VAX2: variants seen among roughly 807,000 people sequenced by gnomAD.
The protein encoded by VAX2 is ventral anterior homeobox 2.
Under a neutral mutation model 12.5 loss-of-function variants are expected in VAX2, and 8 were observed. The observed-to-expected ratio is 0.64, with a 90% CI of 0.37 to 1.15. The LOEUF is 1.15. Among genes scored for constraint, VAX2 ranks in the 50% most tolerant of loss-of-function variants. The pLI is 0.01. For synonymous variants in VAX2, 183 were observed against 187.6 expected, an observed-to-expected ratio of 0.98 and a Z score of 0.20; for missense variants, 476 against 412.9, an observed-to-expected ratio of 1.15 and a Z score of -1.32.
At chr2:70,913,708 TAAATAAATAA>T (rs1553411542) in intron 1 of VAX2, among the ~76,000 whole-genome samples, 22 of 151,440 alleles carry the variant, frequency 1.5e-4, no homozygotes, top group Non-Finnish European at 2.9e-4. Flanking sequence ...AATAAATAAA[TAAATAAATAA>T]ATAACTTTAC....
chr2:70,905,935 G>A (rs1291307503), intron 1 of VAX2, among the ~76,000 whole-genome samples: 1 of 152,190 alleles, frequency 6.6e-6, no homozygotes, highest in African/African-American at 2.4e-5. Context: ...ATTACCCCTT[G>A]GCTGCAGGCT....
intron 1 of VAX2, among the ~76,000 whole-genome samples, chr2:70,917,088 T>A (rs985694370): frequency 6.9e-6 from 1 of 145,572 alleles, no homozygotes; most frequent in Non-Finnish European, 1.5e-5. Flanking sequence ...AAGACGGAGG[T>A]TGCAGTGAGC....
At chr2:70,918,358 G>C (rs1679352933) in intron 1 of VAX2, among the ~76,000 whole-genome samples, 1 of 152,242 alleles carries the variant, frequency 6.6e-6, no homozygotes, top group South Asian at 2.1e-4. Context: ...GACCCAGAAA[G>C]AGTCAGTCTC....
chr2:70,932,714 CT>C (rs1353948322), intron 2 of VAX2, 52 bp from the exon 3 acceptor site: 10 of 1,407,744 alleles, frequency 7.1e-6, no homozygotes, highest in Non-Finnish European at 9.4e-6. Context: ...CCTGCCCCCA[CT>C]TTGCTTTGCC....
intron 2 of VAX2, among the ~76,000 whole-genome samples, chr2:70,922,168 A>C (rs1679472799): frequency 6.6e-6 from 1 of 152,222 alleles, no homozygotes; most frequent in Admixed American, 6.5e-5. Context: ...ATTGTCAAAG[A>C]ATAACTCAGA....
intron 2 of VAX2, 40 bp from the exon 3 acceptor site, chr2:70,932,727 G>C: frequency 7.3e-7 from 1 of 1,365,300 alleles, no homozygotes; most frequent in Admixed American, 2.6e-5. Context: ...TGCTTTGCCT[G>C]TCCCATCTCC....
chr2:70,933,411 A>G lies in VAX2; in HGVS notation c.*207A>G. The G allele has an allele frequency of 2.4e-6, 1 of 416,466 alleles. No individual in the cohort carries two copies. The allele number at this position is 416,466 out of a possible 1,614,324, so 25.8% of individuals were successfully genotyped here. On this transcript the variant is annotated 3_prime_UTR_variant, in exon 3 of 3. Transcript: ENST00000234392. ...TGCAGTGTGAGTGTGTGTGTCTCTC[A>G]CTGAAATAAAAGGAAAACAATGACA...
chr2:70,925,991 G>C (rs1679563268), intron 2 of VAX2, among the ~76,000 whole-genome samples: 2 of 151,768 alleles, frequency 1.3e-5, no homozygotes, highest in Admixed American at 1.3e-4. Context: ...TGGATACTCA[G>C]AGGACCCAGG....
chr2:70,909,911 T>A (rs1553411025), intron 1 of VAX2, among the ~76,000 whole-genome samples: 1 of 152,182 alleles, frequency 6.6e-6, no homozygotes, highest in East Asian at 1.9e-4. Context: ...TTTTAATTAT[T>A]CTTATCTTTT....
intron 1 of VAX2, among the ~76,000 whole-genome samples, chr2:70,906,289 G>A (rs1679057340): frequency 6.6e-6 from 1 of 152,178 alleles, no homozygotes; most frequent in South Asian, 2.1e-4. Flanking sequence ...GTTGGTGGAT[G>A]CTGACTGGGG....
chr2:70,922,720 A>T (rs184849983), intron 2 of VAX2, among the ~76,000 whole-genome samples: 115 of 152,240 alleles, frequency 7.6e-4, no homozygotes, highest in African/African-American at 2.6e-3. Flanking sequence ...GGGCCGGGTC[A>T]TCTCCACCTG....
intron 1 of VAX2, among the ~76,000 whole-genome samples, chr2:70,919,094 CGGG>C (rs1558658694): frequency 6.3e-5 from 9 of 141,750 alleles, no homozygotes; most frequent in East Asian, 2.1e-4. Flanking sequence ...CCCAGTTACT[CGGG>C]AGGCTGAGGC....
At chr2:70,929,067 T>C (rs1042542121) in intron 2 of VAX2, among the ~76,000 whole-genome samples, 5 of 152,210 alleles carry the variant, frequency 3.3e-5, no homozygotes, top group Non-Finnish European at 5.9e-5. Flanking sequence ...GCTATGGTCC[T>C]TGAGGATCTG....
At position 70,932,867 on chromosome 2, in the gene VAX2, C is replaced by T. The variant is rs1679728064; in HGVS notation, c.536C>T (p.Thr179Ile). 1.2e-6 allele frequency: 2 copies of T among 1,613,686 alleles called. No homozygotes were observed. The highest frequency in any genetic ancestry group is 1.7e-6 in the Non-Finnish European group (2 of 1,179,974). The change falls in exon 3 of 3, where the codon ACC becomes ATC. Residue 179 changes from threonine to isoleucine, a missense_variant. By Grantham distance (89) the Thr-to-Ile change is moderately conservative. Coordinates refer to ENST00000234392, the MANE Select transcript of VAX2 (RefSeq NM_012476.3). ...TCCTCAGCCTCCGAGGCCTTTGCCA[C>T]CTCCAACATTCTGCGGCTGCTGGAG... ...ASSSASEAFA[T>I]SNILRLLEQG...
chr2:70,932,823 C>A lies in VAX2; in HGVS notation c.492C>A (p.Asp164Glu). The part of the protein sequence containing the change: ...RTKQKKDQSR[D>E]LEKRASSSAS... ...AGCAGAAGAAAGACCAGAGCAGAGA[C>A]CTGGAGAAGCGGGCGTCCTCCTCAG... Residue 164 changes from aspartate (D) to glutamate (E), a missense_variant, in exon 3 of 3, where the codon GAC becomes GAA. Asp to Glu is a conservative substitution (Grantham distance 45). Coordinates refer to ENST00000234392, the MANE Select transcript of VAX2 (RefSeq NM_012476.3). The A allele has an allele frequency of 3.1e-6, 5 of 1,611,454 alleles. No homozygotes were observed. Among genetic ancestry groups the A allele is most frequent in the Non-Finnish European group, 4.2e-6 (5 of 1,178,974 alleles).
rs966757865 is a variant in VAX2 at position 70,900,752 on chromosome 2, C to A, written c.131C>A (p.Thr44Lys). The stretch of plus-strand genomic sequence containing the variant: ...GCTGATGGCGGTGGCCACAGCCCAA[C>A]GGAGGTGGCCGGGACCTCAGCCTCC... ...LRADGGGHSP[T>K]EVAGTSASSP... Residue 44 changes from threonine (T) to lysine (K), a missense_variant, in exon 1 of 3, where the codon ACG (threonine) becomes AAG (lysine). Coordinates refer to ENST00000234392, the MANE Select transcript of VAX2 (RefSeq NM_012476.3). 6.7e-7 allele frequency: 1 copy of A among 1,481,858 alleles called. No homozygotes were observed. Among genetic ancestry groups the A allele is most frequent in the Admixed American group, 2.2e-5 (1 of 44,842 alleles). 91.8% of individuals were successfully genotyped at this position (1,481,858 alleles called of 1,614,324 possible).
intron 1 of VAX2, among the ~76,000 whole-genome samples, chr2:70,911,591 T>C (rs1679186008): frequency 6.6e-6 from 1 of 152,242 alleles, no homozygotes; most frequent in Admixed American, 6.5e-5. Flanking sequence ...CTACTCAGCC[T>C]TGCCAGTACA....
intron 1 of VAX2, among the ~76,000 whole-genome samples, chr2:70,913,902 AACT>A (rs1553411576): frequency 6.6e-6 from 1 of 152,160 alleles, no homozygotes; most frequent in African/African-American, 2.4e-5. Context: ...AATGAGATTA[AACT>A]ACATGTTATT....
chr2:70,909,121 C>A (rs1572888400), intron 1 of VAX2, among the ~76,000 whole-genome samples: 1 of 151,996 alleles, frequency 6.6e-6, no homozygotes, highest in Non-Finnish European at 1.5e-5. Flanking sequence ...TTAGGATGGT[C>A]TTTTGTTTTC....
Sources: allele counts gnomAD v4.1 joint callset (sites outside exome capture counted in the v4.1 genomes callset), GRCh38; gene constraint gnomAD v4.1.1; transcripts MANE v1.5; gene names NCBI Gene and HGNC (gene_info 2026-07-23, HGNC 2026-07-21).